DLGAP1: variants seen among roughly 807,000 people sequenced by gnomAD.
The protein encoded by DLGAP1 is DLG associated protein 1.
In DLGAP1, 11 loss-of-function variants were observed where a neutral mutation model predicts 90.8. The ratio of observed to expected loss-of-function variants is 0.12; its 90% CI spans 0.08 to 0.20. The LOEUF (loss-of-function observed/expected upper bound fraction) is 0.20. Among genes scored for constraint, DLGAP1 ranks in the 10% least tolerant of loss-of-function variants. The pLI, the probability that DLGAP1 is intolerant of heterozygous loss-of-function variation, is 1.00. For missense variants in DLGAP1, 1,050 were observed against 1,333.8 expected (o/e 0.79, Z 3.31); for synonymous variants, 558 against 540.7 (o/e 1.03, Z -0.44).
intron 5 of DLGAP1, among the ~76,000 whole-genome samples, chr18:3,754,756 C>T (rs899285704): frequency 5.4e-5 from 8 of 147,496 alleles, no homozygotes; most frequent in South Asian, 2.1e-4. Flanking sequence ...ATTAGCTGGG[C>T]GTGGCAGTGT....
intron 7 of DLGAP1, among the ~76,000 whole-genome samples, chr18:3,600,833 T>TAGATATATAGATATATATAGATATATAG: frequency 8.6e-6 from 1 of 116,950 alleles, no homozygotes; most frequent in Non-Finnish European, 1.6e-5. Flanking sequence ...TATAGATATA[T>TAGATATATAGATATATATAGATATATAG]ATAGATATAT....
intron 2 of DLGAP1, among the ~76,000 whole-genome samples, chr18:4,030,422 ATG>A (rs1279308450): frequency 6.6e-6 from 1 of 152,200 alleles, no homozygotes; most frequent in East Asian, 1.9e-4. Flanking sequence ...GCTAAGAAGA[ATG>A]TGTGTTCAGA....
At chr18:3,761,486 T>C (rs2063959591) in intron 5 of DLGAP1, among the ~76,000 whole-genome samples, 1 of 152,252 alleles carries the variant, frequency 6.6e-6, no homozygotes, top group Admixed American at 6.5e-5. Flanking sequence ...TAGCCATAGA[T>C]GAACACTTGG....
intron 2 of DLGAP1, among the ~76,000 whole-genome samples, chr18:4,008,926 C>T (rs1000902620): frequency 1.3e-5 from 2 of 152,092 alleles, no homozygotes; most frequent in African/African-American, 4.8e-5. Flanking sequence ...GTTTTTGAAA[C>T]GGAGTCTCGC....
chr18:3,929,854 A>T (rs1005722945), intron 3 of DLGAP1, among the ~76,000 whole-genome samples: 1 of 152,236 alleles, frequency 6.6e-6, no homozygotes, highest in South Asian at 2.1e-4. Flanking sequence ...AAATATTTGT[A>T]CATGCTCTAT....
intron 2 of DLGAP1, among the ~76,000 whole-genome samples, chr18:4,141,162 T>C (rs1037127651): frequency 5.9e-5 from 9 of 152,212 alleles, no homozygotes; most frequent in African/African-American, 1.9e-4. Flanking sequence ...TTAAGGCTGA[T>C]AACTCTTAGA....
chr18:4,304,649 G>A (rs1456446656), intron 1 of DLGAP1, among the ~76,000 whole-genome samples: 2 of 152,164 alleles, frequency 1.3e-5, no homozygotes, highest in Non-Finnish European at 2.9e-5. Context: ...TATAGTCATT[G>A]GCCAGGCGTG....
intron 3 of DLGAP1, among the ~76,000 whole-genome samples, chr18:3,942,986 T>C (rs1416254087): frequency 4.0e-5 from 6 of 151,848 alleles, no homozygotes; most frequent in Non-Finnish European, 7.4e-5. Flanking sequence ...TTTTTCCACC[T>C]AAGCAATCTC....
chr18:3,722,390 A>G (rs975789262), intron 7 of DLGAP1: 117 of 152,364 alleles, frequency 7.7e-4, no homozygotes, highest in African/African-American at 2.7e-3. Context: ...AGTGCCCCAC[A>G]GAAGAAAGGA....
chr18:3,700,703 A>G (rs2061252118), intron 7 of DLGAP1, among the ~76,000 whole-genome samples: 3 of 151,438 alleles, frequency 2.0e-5, no homozygotes. Flanking sequence ...TCTACCTCCC[A>G]GGTTCACGCC....
At chr18:3,858,564 C>T (rs1379118299) in intron 4 of DLGAP1, among the ~76,000 whole-genome samples, 1 of 150,304 alleles carries the variant, frequency 6.7e-6, no homozygotes, top group Non-Finnish European at 1.5e-5. Context: ...ATATAAAACA[C>T]CTGATTGCAA....
intron 1 of DLGAP1, among the ~76,000 whole-genome samples, chr18:4,275,053 AATC>A (rs1165072111): frequency 1.3e-5 from 2 of 152,248 alleles, no homozygotes; most frequent in Admixed American, 6.5e-5. Flanking sequence ...AATATATAAT[AATC>A]ATACATCTAT....
chr18:4,284,189 ACT>A (rs2079624902), intron 1 of DLGAP1, among the ~76,000 whole-genome samples: 1 of 137,812 alleles, frequency 7.3e-6, no homozygotes, highest in African/African-American at 2.7e-5. Flanking sequence ...ACACTGCTAA[ACT>A]CTGCCTCTAC....
chr18:3,577,949 T>C (rs776102134), intron 8 of DLGAP1, among the ~76,000 whole-genome samples: 10 of 152,248 alleles, frequency 6.6e-5, no homozygotes, highest in Non-Finnish European at 1.5e-4. Context: ...TAGCTAATTA[T>C]AATTTTAAAG....
intron 1 of DLGAP1, among the ~76,000 whole-genome samples, chr18:4,290,070 A>C (rs1443104022): frequency 6.6e-6 from 1 of 152,194 alleles, no homozygotes; most frequent in Non-Finnish European, 1.5e-5. Context: ...ACATCTGGTA[A>C]ATTTTGTATA....
chr18:4,047,642 G>T (rs1419515950), intron 2 of DLGAP1, among the ~76,000 whole-genome samples: 1 of 152,154 alleles, frequency 6.6e-6, no homozygotes, highest in Non-Finnish European at 1.5e-5. Context: ...ATTTGTATCA[G>T]ATGTCTCAAG....
intron 1 of DLGAP1, among the ~76,000 whole-genome samples, chr18:4,367,035 G>T (rs1225668836): frequency 3.7e-3 from 306 of 82,550 alleles, no homozygotes; most frequent in Middle Eastern, 7.8e-3. Flanking sequence ...AAAAAATCTT[G>T]TACTTTTCTT....
intron 1 of DLGAP1, among the ~76,000 whole-genome samples, chr18:4,385,728 C>T (rs756900717): frequency 6.3e-4 from 96 of 152,282 alleles, no homozygotes; most frequent in Non-Finnish European, 1.0e-3. Flanking sequence ...AATACAAATA[C>T]ACACAAATAT....
intron 3 of DLGAP1, among the ~76,000 whole-genome samples, chr18:3,987,019 GACTATC>G (rs1202124061): frequency 1.3e-5 from 2 of 152,130 alleles, no homozygotes; most frequent in Non-Finnish European, 1.5e-5. Context: ...TTAATAACTT[GACTATC>G]ACCCTGCAAA....
Sources: allele counts gnomAD v4.1 joint callset (sites outside exome capture counted in the v4.1 genomes callset), GRCh38; gene constraint gnomAD v4.1.1; transcripts MANE v1.5; gene names NCBI Gene and HGNC (gene_info 2026-07-23, HGNC 2026-07-21).